Variants in MAGI2 observed in about 807,000 individuals in gnomAD.
MAGI2 encodes the protein membrane associated guanylate kinase, WW and PDZ domain containing 2.
A neutral mutation model predicts 133.3 loss-of-function variants in MAGI2; 35 were observed. The observed-to-expected ratio is 0.26, with a 90% CI of 0.20 to 0.35. The LOEUF is 0.35. Among genes scored for constraint, MAGI2 ranks in the 10% least tolerant of loss-of-function variants. MAGI2 has a pLI of 1.00. For synonymous variants in MAGI2, 729 were observed against 710.6 expected (o/e 1.03, Z -0.41); for missense variants, 1,636 against 1,863.4 (o/e 0.88, Z 2.25).
In MAGI2 at chr7:79,007,028, G is replaced by GAATA. The variant is rs371313565; in HGVS notation, c.418+58_418+61dup. 8.7e-5 allele frequency: 103 copies of GAATA among 1,178,138 alleles called. 1 individual carries two copies. In the African/African-American group the frequency reaches 1.6e-3, roughly 18 times the overall value. The allele number at this position is 1,178,138 out of a possible 1,614,324, so 73.0% of individuals were successfully genotyped here. A position where few individuals can be genotyped will look rare whatever the true frequency, so the allele number is the denominator to read the frequency against. On this transcript the variant is annotated intron_variant, in intron 2 of 21. Coordinates refer to ENST00000354212, the MANE Select transcript of MAGI2 (RefSeq NM_012301.4). ...GCAATTTCACTTTCTTTTAATCAAT[G>GAATA]AATATATAGCTAAACATTTATCTCT...
At position 79,203,047 on chromosome 7, in the gene MAGI2, C is replaced by T. The variant is rs548429338; in HGVS notation, c.302-195841G>A. 1.5e-3 allele frequency among the ~76,000 whole-genome samples: 226 copies of T among 152,120 alleles called. 4 individuals carry two copies. The highest frequency in any genetic ancestry group is 5.3e-3 in the African/African-American group (221 of 41,420). On this transcript the variant is annotated intron_variant, in intron 1 of 21. Coordinates refer to ENST00000354212, the MANE Select transcript of MAGI2 (RefSeq NM_012301.4). ...TGCCCAACATCTTTCCATTTTAGTA[C>T]AGAGCACATATAATTTTCCAGAACT...
chr7:78,993,849 TA>T (rs5885105), intron 2 of MAGI2, among the ~76,000 whole-genome samples: 8 of 151,034 alleles, frequency 5.3e-5, no homozygotes, highest in Admixed American at 2.0e-4. Context: ...TTGAAAGCAA[TA>T]AAAAAAAATA....
chr7:79,180,989 G>A (rs1000608505), intron 1 of MAGI2, among the ~76,000 whole-genome samples: 4 of 151,910 alleles, frequency 2.6e-5, no homozygotes, highest in African/African-American at 9.7e-5. Context: ...TGATGTAAGA[G>A]GTGAGTTCTC....
intron 4 of MAGI2, among the ~76,000 whole-genome samples, chr7:78,516,876 AATG>A (rs1796086974): frequency 6.6e-6 from 1 of 152,226 alleles, no homozygotes; most frequent in East Asian, 1.9e-4. Flanking sequence ...AAAGAAACAA[AATG>A]ATAATTCTGA....
intron 2 of MAGI2, among the ~76,000 whole-genome samples, chr7:78,883,582 A>G (rs1796043401): frequency 6.6e-6 from 1 of 152,208 alleles, no homozygotes; most frequent in Admixed American, 6.5e-5. Flanking sequence ...AAGAAAAAAG[A>G]ACAAAGCTGG....
chr7:78,671,020 G>C (rs1010219377), intron 2 of MAGI2, among the ~76,000 whole-genome samples: 1 of 152,026 alleles, frequency 6.6e-6, no homozygotes, highest in Non-Finnish European at 1.5e-5. Context: ...ATTTAACATT[G>C]ATCAACTGAT....
chr7:78,714,795 A>T (rs1002079898), intron 2 of MAGI2, among the ~76,000 whole-genome samples: 4 of 152,130 alleles, frequency 2.6e-5, no homozygotes, highest in African/African-American at 9.7e-5. Flanking sequence ...ACAGCTTTGA[A>T]TTTTCCAAAG....
intron 2 of MAGI2, among the ~76,000 whole-genome samples, chr7:78,728,600 C>CT (rs1821061329): frequency 1.4e-5 from 1 of 70,644 alleles, no homozygotes; most frequent in African/African-American, 6.6e-5. Context: ...GAGTCTCGCT[C>CT]TGTCGCCCAG....
At chr7:79,235,787 G>C (rs1831871809) in intron 1 of MAGI2, among the ~76,000 whole-genome samples, 1 of 152,214 alleles carries the variant, frequency 6.6e-6, no homozygotes, top group East Asian at 1.9e-4. Context: ...GTAGACCGGA[G>C]CTGTTCCTAT....
At chr7:79,188,040 C>T (rs989497807) in intron 1 of MAGI2, among the ~76,000 whole-genome samples, 1 of 151,900 alleles carries the variant, frequency 6.6e-6, no homozygotes, top group Non-Finnish European at 1.5e-5. Flanking sequence ...GTGCACAAGA[C>T]ATTAGTTGTT....
At chr7:78,239,721 T>C (rs981889567) in intron 10 of MAGI2, among the ~76,000 whole-genome samples, 7 of 152,218 alleles carry the variant, frequency 4.6e-5, no homozygotes, top group African/African-American at 1.7e-4. Context: ...GCCTCGCTCC[T>C]GTTAGAATAG....
In MAGI2 at chr7:78,823,179, T is replaced by C. The variant is rs191276479; in HGVS notation, c.418+183911A>G. Among the ~76,000 whole-genome samples, 542 of 152,328 alleles carry C rather than the reference T, an allele frequency of 3.6e-3. 5 individuals are homozygous for C. Among genetic ancestry groups the C allele is most frequent in the Middle Eastern group, 6.8e-3 (2 of 294 alleles). ...TTATTTTAAATAGATAAGTTCGTAGTAGGTAGATCCCTACCTTGTCATTGC... is the reference window on the plus strand; with the variant it reads ...TTATTTTAAATAGATAAGTTCGTAGCAGGTAGATCCCTACCTTGTCATTGC... On this transcript the variant is annotated intron_variant, in intron 2 of 21. Transcript: ENST00000354212.
In MAGI2 at chr7:78,897,223, T is replaced by C. The variant is rs1797279581; in HGVS notation, c.418+109867A>G. 1.3e-5 allele frequency among the ~76,000 whole-genome samples: 2 copies of C among 152,204 alleles called. 1 individual carries two copies. Among genetic ancestry groups the C allele is most frequent in the South Asian group, 4.1e-4 (2 of 4,836 alleles). On this transcript the variant is annotated intron_variant, in intron 2 of 21. Coordinates refer to ENST00000354212, the MANE Select transcript of MAGI2 (RefSeq NM_012301.4). ...GAAGGAAAAAAGCAATCATCATTTT[T>C]AACCCATATCAAGGGAAGCATGTAC...
At chr7:78,294,799 G>GTCT (rs995339843) in intron 9 of MAGI2, among the ~76,000 whole-genome samples, 1 of 152,126 alleles carries the variant, frequency 6.6e-6, no homozygotes, top group African/African-American at 2.4e-5. Context: ...GGAACTTACA[G>GTCT]TCTTTGATTT....
chr7:79,417,935 A>G (rs1846655776), intron 1 of MAGI2, among the ~76,000 whole-genome samples: 1 of 152,136 alleles, frequency 6.6e-6, no homozygotes, highest in Admixed American at 6.6e-5. Context: ...AAAGTTACTT[A>G]GAAAAGTCAT....
At chr7:78,141,976 GA>G (rs1170058470) in intron 16 of MAGI2, among the ~76,000 whole-genome samples, 1 of 152,168 alleles carries the variant, frequency 6.6e-6, no homozygotes, top group Non-Finnish European at 1.5e-5. Context: ...GCTAAGTACT[GA>G]GAGTAAATTA....
At chr7:78,562,102 T>C (rs1159979131) in intron 3 of MAGI2, among the ~76,000 whole-genome samples, 1 of 152,120 alleles carries the variant, frequency 6.6e-6, no homozygotes, top group African/African-American at 2.4e-5. Context: ...AGAGACCCAG[T>C]TGGGATGTGG....
At chr7:78,290,761 T>A (rs528614178) in intron 9 of MAGI2, among the ~76,000 whole-genome samples, 92 of 150,474 alleles carry the variant, frequency 6.1e-4, no homozygotes, top group African/African-American at 2.0e-3. Flanking sequence ...ACCACAGTGC[T>A]ATCAGAACTC....
intron 2 of MAGI2, among the ~76,000 whole-genome samples, chr7:78,673,462 C>T (rs1242825368): frequency 6.6e-6 from 1 of 152,042 alleles, no homozygotes; most frequent in Non-Finnish European, 1.5e-5. Flanking sequence ...GTACCAACAC[C>T]TGAGAACCAG....
Sources: allele counts gnomAD v4.1 joint callset (sites outside exome capture counted in the v4.1 genomes callset), GRCh38; gene constraint gnomAD v4.1.1; transcripts MANE v1.5; gene names NCBI Gene and HGNC (gene_info 2026-07-23, HGNC 2026-07-21).